TMA16: variants seen among roughly 807,000 people sequenced by gnomAD.
TMA16 encodes the protein translation machinery-associated protein 16.
In TMA16, 26 loss-of-function variants were observed where a neutral mutation model predicts 27.1. The ratio of observed to expected loss-of-function variants is 0.96; its 90% confidence interval spans 0.70 to 1.33. The LOEUF is 1.33. Among genes scored for constraint, TMA16 ranks in the 40% most tolerant of loss-of-function variants. The pLI is 0.00. For missense variants in TMA16, 233 were observed against 241.4 expected (o/e 0.97, Z 0.23); for synonymous variants, 71 against 81.9 (o/e 0.87, Z 0.72).
chr4:163,503,424 T>C (rs1174169923), intron 1 of TMA16, among the ~76,000 whole-genome samples: 1 of 152,226 alleles, frequency 6.6e-6, no homozygotes, highest in East Asian at 1.9e-4. Flanking sequence ...TAAATGGCAC[T>C]TCTGTCTCTA....
intron 2 of TMA16, among the ~76,000 whole-genome samples, chr4:163,509,556 A>G (rs1239388778): frequency 6.6e-6 from 1 of 152,210 alleles, no homozygotes; most frequent in Non-Finnish European, 1.5e-5. Context: ...CTGGGACTGC[A>G]TTCATCTCAG....
intron 1 of TMA16, among the ~76,000 whole-genome samples, chr4:163,500,692 A>G (rs1343682366): frequency 6.6e-6 from 1 of 152,158 alleles, no homozygotes; most frequent in Non-Finnish European, 1.5e-5. Context: ...GTGTATAGGT[A>G]ATCTATTCGC....
intron 1 of TMA16, among the ~76,000 whole-genome samples, chr4:163,500,376 A>C (rs962115537): frequency 1.3e-5 from 2 of 151,900 alleles, no homozygotes; most frequent in Non-Finnish European, 2.9e-5. Context: ...ACGCCTGGCT[A>C]ATTTTTGTAT....
chr4:163,497,100 C>A (rs558618339), intron 1 of TMA16, among the ~76,000 whole-genome samples: 1 of 152,202 alleles, frequency 6.6e-6, no homozygotes, highest in Non-Finnish European at 1.5e-5. Flanking sequence ...TGCCATCATC[C>A]TCCGTGCATT....
chr4:163,512,949 A>G (rs1737819754), intron 3 of TMA16, 90 bp downstream of exon 3: 1 of 954,644 alleles, frequency 1.0e-6, no homozygotes, highest in Admixed American at 2.5e-5. Context: ...TTAGTGAAAT[A>G]CTGTTTTTAT....
At chr4:163,513,165 T>C (rs1036892492) in intron 3 of TMA16, among the ~76,000 whole-genome samples, 1 of 152,208 alleles carries the variant, frequency 6.6e-6, no homozygotes, top group Non-Finnish European at 1.5e-5. Context: ...ATTAGAATTA[T>C]GAAGGATTAT....
chr4:163,494,821 TC>T lies in TMA16; in HGVS notation c.3+22del. On this transcript the variant is annotated intron_variant, in intron 1 of 6. Transcript: ENST00000358572. ...GTCACCATGGTGGGCCCCCTCCTGC[TC>T]CCCCGAACCGCTCGGTTGGTTCCCC... 6.2e-7 allele frequency: 1 copy of T among 1,611,220 alleles called. No homozygotes were observed.
intron 1 of TMA16, among the ~76,000 whole-genome samples, chr4:163,503,409 T>C (rs1220379079): frequency 6.6e-6 from 1 of 152,186 alleles, no homozygotes; most frequent in Non-Finnish European, 1.5e-5. Context: ...TTTCACTGAG[T>C]AGTCTAAATG....
chr4:163,515,282 A>T, intron 4 of TMA16, 31 bp from the exon 5 acceptor site: 2 of 1,591,030 alleles, frequency 1.3e-6, no homozygotes, highest in South Asian at 1.2e-5. Context: ...TATACTTTGT[A>T]TGTAACACAA....
chr4:163,497,959 G>A (rs1415171563), intron 1 of TMA16, among the ~76,000 whole-genome samples: 3 of 152,150 alleles, frequency 2.0e-5, no homozygotes, highest in Non-Finnish European at 1.5e-5. Context: ...TACTTTATAT[G>A]TATGTACCAG....
intron 2 of TMA16, among the ~76,000 whole-genome samples, chr4:163,510,000 T>C (rs1018495639): frequency 1.1e-4 from 17 of 152,306 alleles, no homozygotes; most frequent in African/African-American, 4.1e-4. Flanking sequence ...TTTTAAGAAT[T>C]TTTTCATATT....
Position 163,496,447 on chromosome 4 carries a change from TCTC to T in TMA16, c.3+1644_3+1646del, listed in dbSNP as rs559576166. Among the ~76,000 whole-genome samples the T allele has an allele frequency of 2.7e-3, 410 of 152,326 alleles. 2 individuals are homozygous for T. Among genetic ancestry groups the T allele is most frequent in the African/African-American group, 9.5e-3 (396 of 41,578 alleles). ...TCCTTGTTACTTTGCTCATTAATGT[TCTC>T]TTATTGTAAATCTTTGCTGGAGCTT... On this transcript the variant is annotated intron_variant, in intron 1 of 6. Coordinates refer to ENST00000358572, the MANE Select transcript of TMA16 (RefSeq NM_018352.3).
chr4:163,500,289 C>G (rs1465129870), intron 1 of TMA16, among the ~76,000 whole-genome samples: 4 of 149,704 alleles, frequency 2.7e-5, no homozygotes, highest in Non-Finnish European at 4.4e-5. Flanking sequence ...CAGCTCACTG[C>G]AACCTCTGCC....
chr4:163,514,451 A>G (rs1187871468), intron 4 of TMA16, among the ~76,000 whole-genome samples: 3 of 152,206 alleles, frequency 2.0e-5, no homozygotes, highest in African/African-American at 7.2e-5. Flanking sequence ...AAAAACCCCT[A>G]GCAAGAAAGA....
At chr4:163,494,968 G>C (rs898925246) in intron 1 of TMA16, 164 bp downstream of exon 1, 1 of 1,011,430 alleles carries the variant, frequency 9.9e-7, no homozygotes. Flanking sequence ...CCTCTGGGAG[G>C]CGAGTCCCAG....
Position 163,494,729 on chromosome 4 carries a change from T to A in TMA16, c.-73T>A. On this transcript the variant is annotated 5_prime_UTR_variant, in exon 1 of 7. Coordinates refer to ENST00000358572, the MANE Select transcript of TMA16 (RefSeq NM_018352.3). ...ATTCGGCCCGGGTGCTCTTGTGAGC[T>A]GCTGCTCCTGCGGTTGGTGAGATTA... 6.2e-7 allele frequency: 1 copy of A among 1,609,552 alleles called. No individual in the cohort carries two copies. Among genetic ancestry groups the A allele is most frequent in the Non-Finnish European group, 8.5e-7 (1 of 1,177,142 alleles).
intron 1 of TMA16, among the ~76,000 whole-genome samples, chr4:163,500,337 A>G (rs1417211476): frequency 6.6e-6 from 1 of 151,548 alleles, no homozygotes; most frequent in Non-Finnish European, 1.5e-5. Context: ...CAGCCTCCCA[A>G]ATAGCTGGGA....
intron 5 of TMA16, 54 bp downstream of exon 5, chr4:163,515,515 G>T: frequency 6.8e-7 from 1 of 1,465,198 alleles, no homozygotes. Flanking sequence ...GTATCAATTT[G>T]TGATTGATTT....
intron 1 of TMA16, among the ~76,000 whole-genome samples, chr4:163,495,847 T>C (rs1057479927): frequency 6.6e-6 from 1 of 152,246 alleles, no homozygotes; most frequent in Non-Finnish European, 1.5e-5. Context: ...GTACTTTAGA[T>C]TGTACACATT....
Sources: allele counts gnomAD v4.1 joint callset (sites outside exome capture counted in the v4.1 genomes callset), GRCh38; gene constraint gnomAD v4.1.1; transcripts MANE v1.5; gene names NCBI Gene and HGNC (gene_info 2026-07-23, HGNC 2026-07-21).